The following EXOSC10 variants were observed in gnomAD, a reference collection of about 807,000 sequenced individuals.
EXOSC10 encodes the protein exosome component 10.
EXOSC10 carries 94 observed loss-of-function variants against 126.6 expected under a neutral mutation model. That is an observed-to-expected ratio of 0.74 (90% CI 0.63 to 0.88). EXOSC10 has a LOEUF of 0.88. EXOSC10 is among the 40% of genes least tolerant of loss of function. The pLI is 0.00. For synonymous variants in EXOSC10, 395 were observed against 400.8 expected (o/e 0.99, Z 0.17); for missense variants, 1,041 against 1,100.5 (o/e 0.95, Z 0.77).
chr1:11,087,799 C>A lies in EXOSC10; in HGVS notation c.945+1G>T. The A allele has an allele frequency of 6.2e-7, 1 of 1,609,192 alleles. No homozygotes were observed. Among genetic ancestry groups the A allele is most frequent in the Non-Finnish European group, 8.5e-7 (1 of 1,177,106 alleles). ...TTTACCCAGGGTCATTTATAAGATA[C>A]CTCCAAGTCAACTGCAAATTCCTGA... On this transcript the variant is annotated splice_donor_variant, in intron 8 of 24. Transcript: ENST00000376936. LOFTEE classifies it high-confidence loss of function.
At chr1:11,090,486 A>G in intron 6 of EXOSC10, 68 bp downstream of exon 6, 1 of 1,292,650 alleles carries the variant, frequency 7.7e-7, no homozygotes, top group East Asian at 2.4e-5. Context: ...TATATACTCC[A>G]CAAAAGTGAA....
chr1:11,075,818 C>T lies in EXOSC10; in HGVS notation c.1986+1024G>A, dbSNP rs200526603. On this transcript the variant is annotated intron_variant, in intron 17 of 24. Transcript: ENST00000376936. The stretch of plus-strand genomic sequence containing the variant: ...GCAGTGAGCCAGGATGGTGCCACTG[C>T]ACTCCCACCTGGGTGACAGGATGAG... 5.9e-4 allele frequency among the ~76,000 whole-genome samples: 75 copies of T among 126,598 alleles called. No individual in the cohort carries two copies. The East Asian group carries it at 0.017, about 29-fold the overall frequency. 83.1% of individuals were successfully genotyped at this position (126,598 alleles called of 152,430 possible). A position where few individuals can be genotyped will look rare whatever the true frequency, so the allele number is the denominator to read the frequency against.
chr1:11,079,374 T>C lies in EXOSC10; in HGVS notation c.1749+337A>G, dbSNP rs367888233. On this transcript the variant is annotated intron_variant, in intron 14 of 24. Coordinates refer to ENST00000376936, the MANE Select transcript of EXOSC10 (RefSeq NM_001001998.3). ...ACAAAAAAAAAACAGGCTTGCTAAG[T>C]TGGGACCCTTCAGTAGAAAATCTTT... 4.3e-4 allele frequency among the ~76,000 whole-genome samples: 64 copies of C among 150,218 alleles called. No homozygotes were observed. The East Asian group carries it at 6.7e-3, about 16-fold the overall frequency.
chr1:11,079,878 G>C, intron 13 of EXOSC10, 56 bp from the exon 14 acceptor site: 1 of 1,368,970 alleles, frequency 7.3e-7, no homozygotes, highest in Non-Finnish European at 1.0e-6. Context: ...GCCCTTAAAG[G>C]CTTCCAGATA....
chr1:11,073,877 CAAAA>C (rs770965502), intron 19 of EXOSC10, 53 bp downstream of exon 19: 567 of 536,142 alleles, frequency 1.1e-3, no homozygotes, highest in African/African-American at 1.4e-3. Flanking sequence ...GACTCCATCT[CAAAA>C]AAAAAAAAAA....
At chr1:11,070,221 G>A (rs1342465574) in intron 21 of EXOSC10, among the ~76,000 whole-genome samples, 9 of 145,058 alleles carry the variant, frequency 6.2e-5, no homozygotes, top group African/African-American at 2.3e-4. Context: ...TGGGCATCAG[G>A]GTAAGAGTAA....
Position 11,088,160 on chromosome 1 carries a change from G to A in EXOSC10, c.797C>T (p.Thr266Ile). ...HPYQYELNHF[T>I]PADAVLQKPQ... ...CTTTTGAAGCACTGCATCTGCTGGG[G>A]TAAAGTGATTTAGTTCATATTGATA... is the stretch of plus-strand genomic sequence containing the variant. Residue 266 changes from threonine to isoleucine, a missense_variant, in exon 7 of 25, where the codon ACC becomes ATC. Physicochemically the swap from Thr to Ile is moderately conservative, Grantham distance 89 (BLOSUM62 -1). Around this residue, in one of 3 missense-constraint regions of EXOSC10, gnomAD observed 645 missense variants for 656.3 expected, o/e 0.98. Coordinates refer to ENST00000376936, the MANE Select transcript of EXOSC10 (RefSeq NM_001001998.3). 1 of 1,613,510 alleles carries A rather than the reference G, an allele frequency of 6.2e-7. No homozygotes were observed.
intron 6 of EXOSC10, among the ~76,000 whole-genome samples, chr1:11,088,522 T>A (rs1026035315): frequency 1.3e-5 from 2 of 152,232 alleles, no homozygotes; most frequent in African/African-American, 4.8e-5. Flanking sequence ...AATATGTCAT[T>A]CTTGCAGTTT....
At chr1:11,074,128 G>T in intron 18 of EXOSC10, 103 bp downstream of exon 18, 1 of 1,372,156 alleles carries the variant, frequency 7.3e-7, no homozygotes, top group Non-Finnish European at 1.0e-6. Context: ...GGACACCAGG[G>T]CAGCCGACAC....
chr1:11,095,819 G>A lies in EXOSC10; in HGVS notation c.311C>T (p.Thr104Ile). ...RSNIKDRSKV[T>I]ELEDKFDLLV... is the part of the protein sequence containing the mutation. ...TAAATCAAACTTGTCTTCCAGCTCA[G>A]TCACTTTACTTCGATCCTTAATGTT... The change falls in exon 3 of 25, where the codon ACT becomes ATT. Residue 104 changes from threonine (T) to isoleucine (I), a missense_variant. Thr to Ile is a moderately conservative substitution (Grantham distance 89, BLOSUM62 -1). Transcript: ENST00000376936. 6.2e-7 allele frequency: 1 copy of A among 1,614,010 alleles called. No individual in the cohort carries two copies. Among genetic ancestry groups the A allele is most frequent in the African/African-American group, 1.3e-5 (1 of 75,050 alleles).
intron 1 of EXOSC10, among the ~76,000 whole-genome samples, chr1:11,098,878 A>C (rs1366721807): frequency 1.3e-5 from 2 of 152,244 alleles, no homozygotes; most frequent in African/African-American, 4.8e-5. Context: ...GAGTTTTGTG[A>C]ATAAACATTT....
At position 11,088,056 on chromosome 1, in the gene EXOSC10, T is replaced by C; in HGVS notation, c.834+67A>G. ...TCAAGGAAAGTCAAAATTGCATCAA[T>C]GAATCTACTTATTTGATTCCTCTTG... On this transcript the variant is annotated intron_variant, in intron 7 of 24. Coordinates refer to ENST00000376936, the MANE Select transcript of EXOSC10 (RefSeq NM_001001998.3). The C allele has an allele frequency of 3.6e-6, 5 of 1,374,350 alleles. No individual in the cohort carries two copies. The East Asian group carries it at 6.9e-5, about 19-fold the overall frequency. The allele number at this position is 1,374,350 out of a possible 1,614,324, so 85.1% of individuals were successfully genotyped here.
At chr1:11,073,720 T>C (rs1639646678) in intron 19 of EXOSC10, among the ~76,000 whole-genome samples, 1 of 151,344 alleles carries the variant, frequency 6.6e-6, no homozygotes, top group Non-Finnish European at 1.5e-5. Flanking sequence ...TGAAACCCCA[T>C]CTCTACAAAA....
chr1:11,083,607 T>C (rs191925147), intron 9 of EXOSC10, among the ~76,000 whole-genome samples: 1 of 150,502 alleles, frequency 6.6e-6, no homozygotes, highest in Admixed American at 6.6e-5. Context: ...CAGGGTTTTT[T>C]TTAAGTTAAA....
intron 14 of EXOSC10, among the ~76,000 whole-genome samples, chr1:11,078,681 C>T (rs1002256552): frequency 6.6e-6 from 1 of 152,234 alleles, no homozygotes; most frequent in Non-Finnish European, 1.5e-5. Context: ...TTCTTTCCTT[C>T]TCAGTGTGTG....
rs762950015 is a variant in EXOSC10 at position 11,068,102 on chromosome 1, C to G, written c.2551-18G>C. ...ATGCATTTCTGAAAAGAAAAGAAAC[C>G]GTTTAAGCTGGGTGGGCACCTTGAC... On this transcript the variant is annotated intron_variant, in intron 23 of 24. Coordinates refer to ENST00000376936, the MANE Select transcript of EXOSC10 (RefSeq NM_001001998.3). 1 of 1,611,442 alleles carries G rather than the reference C, an allele frequency of 6.2e-7. No individual in the cohort carries two copies. Among genetic ancestry groups the G allele is most frequent in the Non-Finnish European group, 8.5e-7 (1 of 1,177,770 alleles).
At chr1:11,085,806 A>C (rs924905992) in intron 9 of EXOSC10, among the ~76,000 whole-genome samples, 4 of 151,438 alleles carry the variant, frequency 2.6e-5, no homozygotes, top group African/African-American at 9.7e-5. Flanking sequence ...TCAATACCTA[A>C]TTTATTGAGA....
rs999329706 is a variant in EXOSC10 at position 11,080,984 on chromosome 1, G to T, written c.1438-72C>A. ...TGCCCTGGGCTCTGGAAAATGTTTGGCTCTTTTCATGAATGTAAGGAGCAA... is the reference window on the plus strand; with the variant it reads ...TGCCCTGGGCTCTGGAAAATGTTTGTCTCTTTTCATGAATGTAAGGAGCAA... On this transcript the variant is annotated intron_variant, in intron 11 of 24. Transcript: ENST00000376936. 21 of 1,573,730 alleles carry T rather than the reference G, an allele frequency of 1.3e-5. No homozygotes were observed. The Admixed American group carries it at 3.9e-4, about 29-fold the overall frequency.
intron 3 of EXOSC10, among the ~76,000 whole-genome samples, chr1:11,091,816 G>A (rs972874004): frequency 6.6e-6 from 1 of 151,514 alleles, no homozygotes; most frequent in African/African-American, 2.4e-5. Flanking sequence ...TCAGCCTCCC[G>A]AGTAGCTGGG....
Sources: gnomAD v4.1 joint callset for allele counts (sites outside exome capture counted in the v4.1 genomes callset) on GRCh38, gnomAD v4.1.1 for gene constraint, gnomAD v4.1.1 regional missense constraint, MANE v1.5 for transcripts, NCBI Gene and HGNC (gene_info 2026-07-23, HGNC 2026-07-21) for gene names.